The following SGO2 variants were observed in gnomAD, a reference collection of about 807,000 sequenced individuals.
SGO2 encodes the protein shugoshin-like 2.
SGO2 carries 68 observed loss-of-function variants against 99.5 expected under a neutral mutation model. The observed-to-expected ratio is 0.68, with a 90% confidence interval of 0.56 to 0.84. SGO2 has a LOEUF of 0.84. Among genes scored for constraint, SGO2 ranks in the 40% least tolerant of loss-of-function variants. SGO2 has a pLI of 0.00. For synonymous variants in SGO2, 457 were observed against 487.1 expected (o/e 0.94, Z 0.81); for missense variants, 1,350 against 1,436.7 (o/e 0.94, Z 0.97).
In SGO2 at chr2:200,573,836, G is replaced by A. The variant is rs529668035; in HGVS notation, c.3490G>A (p.Val1164Ile). The part of the protein sequence containing the change: ...SVREGLVPLS[V>I]SSGKNVIIKE... ...TCGTGAAGGTTTAGTACCTTTGAGC[G>A]TTTCTTCTGGTAAAAATGTGATAAT... The change falls in exon 7 of 9, where the codon GTT becomes ATT. Residue 1164 changes from valine to isoleucine, a missense_variant. Coordinates refer to ENST00000357799, the MANE Select transcript of SGO2 (RefSeq NM_152524.6). 76 of 1,613,022 alleles carry A rather than the reference G, an allele frequency of 4.7e-5. No individual in the cohort carries two copies. Among genetic ancestry groups the A allele is most frequent in the Middle Eastern group, 1.7e-4 (1 of 6,056 alleles).
In SGO2 at chr2:200,571,764, T is replaced by C. The variant is rs757016522; in HGVS notation, c.1418T>C (p.Met473Thr). The change falls in exon 7 of 9, where the codon ATG (methionine) becomes ACG (threonine). Residue 473 changes from methionine (M) to threonine (T), a missense_variant. Coordinates refer to ENST00000357799, the MANE Select transcript of SGO2 (RefSeq NM_152524.6). ...QLAQVNELKKMTLQTGFEQGD... is the reference protein window; with the variant it reads ...QLAQVNELKKTTLQTGFEQGD... ...GCTCAGGTGAATGAACTAAAGAAAATGACCCTTCAAACTGGCTTTGAACAA... is the reference window on the plus strand; with the variant it reads ...GCTCAGGTGAATGAACTAAAGAAAACGACCCTTCAAACTGGCTTTGAACAA... 2 of 1,613,494 alleles carry C rather than the reference T, an allele frequency of 1.2e-6. No homozygotes were observed. The highest frequency in any genetic ancestry group is 4.5e-5 in the East Asian group (2 of 44,858).
chr2:200,583,488 T>G lies in SGO2; in HGVS notation c.*24T>G. ...GAAGTGAATTTATGGATTCTGGTTTTTCTGAATTTTCAAAGCATAAGGAAT... is the reference window on the plus strand; with the variant it reads ...GAAGTGAATTTATGGATTCTGGTTTGTCTGAATTTTCAAAGCATAAGGAAT... On this transcript the variant is annotated 3_prime_UTR_variant, in exon 9 of 9. Coordinates refer to ENST00000357799, the MANE Select transcript of SGO2 (RefSeq NM_152524.6). The G allele has an allele frequency of 6.3e-7, 1 of 1,583,586 alleles. No individual in the cohort carries two copies. The highest frequency in any genetic ancestry group is 8.6e-7 in the Non-Finnish European group (1 of 1,166,438).
chr2:200,541,704 T>A (rs773003779), intron 4 of SGO2, among the ~76,000 whole-genome samples: 1 of 152,222 alleles, frequency 6.6e-6, no homozygotes, highest in African/African-American at 2.4e-5. Context: ...GGGGATGTGC[T>A]CTTTAACACT....
rs983099222 is a variant in SGO2 at position 200,526,790 on chromosome 2, CA to C, written c.-3+540del. On this transcript the variant is annotated intron_variant, in intron 1 of 8. Transcript: ENST00000357799. This position sits in a 1 kb window ranked among gnomAD's most constrained non-coding sequence, Gnocchi z 4.8. Reference sequence around the variant, plus strand: ...ACAATGATTTTTTAGATGAGGTATCCAATTCAGGAGAATTGGATGTGGAACT... The same window carrying C: ...ACAATGATTTTTTAGATGAGGTATCCATTCAGGAGAATTGGATGTGGAACT... 2.6e-5 allele frequency among the ~76,000 whole-genome samples: 4 copies of C among 151,970 alleles called. No individual in the cohort carries two copies. Among genetic ancestry groups the C allele is most frequent in the Admixed American group, 6.5e-5 (1 of 15,268 alleles).
intron 1 of SGO2, among the ~76,000 whole-genome samples, chr2:200,530,105 C>T (rs754572022): frequency 1.4e-5 from 2 of 147,614 alleles, no homozygotes; most frequent in Non-Finnish European, 3.0e-5. Context: ...GTGGAGAGAC[C>T]GTACTAAGGA....
intron 8 of SGO2, among the ~76,000 whole-genome samples, chr2:200,578,733 C>T (rs2106353036): frequency 6.6e-6 from 1 of 152,318 alleles, no homozygotes; most frequent in South Asian, 2.1e-4. Flanking sequence ...GGAAGTGAGA[C>T]ATCTCATCAC....
rs190931695 is a variant in SGO2, at chr2:200,541,531, G to T, written c.388-1048G>T. Among the ~76,000 whole-genome samples the T allele has an allele frequency of 6.6e-5, 10 of 152,270 alleles. No homozygotes were observed. The East Asian group carries it at 1.9e-3, about 29-fold the overall frequency. On this transcript the variant is annotated intron_variant, in intron 4 of 8. Coordinates refer to ENST00000357799, the MANE Select transcript of SGO2 (RefSeq NM_152524.6). ...GTGTCTTTTCTGTGTGGCTCTGCATGGCCTGCTGTACCTCTTGTCTCTAGG... is the reference window on the plus strand; with the variant it reads ...GTGTCTTTTCTGTGTGGCTCTGCATTGCCTGCTGTACCTCTTGTCTCTAGG...
chr2:200,570,954 T>C lies in SGO2; in HGVS notation c.704-96T>C, dbSNP rs887010716. The C allele has an allele frequency of 1.5e-5, 17 of 1,128,292 alleles. No individual in the cohort carries two copies. Among genetic ancestry groups the C allele is most frequent in the Non-Finnish European group, 2.0e-5 (16 of 807,190 alleles). The allele number at this position is 1,128,292 out of a possible 1,614,324, so 69.9% of individuals were successfully genotyped here. ...GATCAGAACACATTGTCAGAAATTA[T>C]ATCTGTGAAACAGCTTGATTTCGAA... is the stretch of plus-strand genomic sequence containing the variant. On this transcript the variant is annotated intron_variant, in intron 6 of 8. Coordinates refer to ENST00000357799, the MANE Select transcript of SGO2 (RefSeq NM_152524.6). The surrounding 1 kb of genome is among the most constrained non-coding windows in gnomAD (Gnocchi z 4.4).
At position 200,533,067 on chromosome 2, in the gene SGO2, T is replaced by G; in HGVS notation, c.92T>G (p.Leu31Trp). The G allele has an allele frequency of 6.3e-7, 1 of 1,594,112 alleles. No individual in the cohort carries two copies. Among genetic ancestry groups the G allele is most frequent in the Non-Finnish European group, 8.5e-7 (1 of 1,174,326 alleles). The change falls in exon 2 of 9, where the codon TTG (leucine) becomes TGG (tryptophan). Residue 31 changes from leucine (L) to tryptophan (W), a missense_variant. By Grantham distance (61) the Leu-to-Trp change is moderately conservative. Transcript: ENST00000357799. The part of the protein sequence containing the change: ...KDKRISKTTK[L>W]NVSLASKIKT... ...AAAAGAATTTCAAAGACTACTAAGT[T>G]GAATGTTTCTCTTGCTTCAAAAATA...
chr2:200,549,734 G>A (rs575225027), intron 5 of SGO2, among the ~76,000 whole-genome samples: 1 of 152,084 alleles, frequency 6.6e-6, no homozygotes, highest in South Asian at 2.1e-4. Context: ...ATCAAAATGG[G>A]TATAAAAAGA....
At chr2:200,560,563 C>T (rs2032899989) in intron 5 of SGO2, among the ~76,000 whole-genome samples, 1 of 151,732 alleles carries the variant, frequency 6.6e-6, no homozygotes, top group African/African-American at 2.4e-5. Flanking sequence ...TCTATTAATA[C>T]AGTGACTTCA....
chr2:200,581,212 A>G (rs372138172), intron 8 of SGO2, among the ~76,000 whole-genome samples: 7 of 152,094 alleles, frequency 4.6e-5, no homozygotes, highest in African/African-American at 1.7e-4. Context: ...AGTTTGATAT[A>G]TATCCATGAG....
intron 5 of SGO2, among the ~76,000 whole-genome samples, chr2:200,563,112 G>A (rs1190678649): frequency 6.6e-6 from 1 of 152,198 alleles, no homozygotes; most frequent in Non-Finnish European, 1.5e-5. Context: ...TAGGAGTGGT[G>A]AGAGAGGGCA....
At chr2:200,562,409 G>T (rs927029621) in intron 5 of SGO2, among the ~76,000 whole-genome samples, 1 of 152,128 alleles carries the variant, frequency 6.6e-6, no homozygotes, top group African/African-American at 2.4e-5. Context: ...CTGTTCCATT[G>T]GTCTATATCT....
intron 6 of SGO2, 90 bp downstream of exon 6, chr2:200,569,982 A>G: frequency 2.4e-6 from 2 of 817,806 alleles, no homozygotes; most frequent in Non-Finnish European, 4.0e-6. Context: ...ATAACAGTTA[A>G]TAAGTTAGCT....
rs2033378593 is a variant in SGO2 at position 200,570,719 on chromosome 2, A to G, written c.704-331A>G. Among the ~76,000 whole-genome samples, 5 of 151,602 alleles carry G rather than the reference A, an allele frequency of 3.3e-5. No homozygotes were observed. In the South Asian group the frequency reaches 1.0e-3, roughly 32 times the overall value. ...AGCAATCCTTTTCAGAGCTATCACT[A>G]TTATTTGGGTTCATTTGCTGGCCTC... On this transcript the variant is annotated intron_variant, in intron 6 of 8. Transcript: ENST00000357799. This position sits in a 1 kb window ranked among gnomAD's most constrained non-coding sequence, Gnocchi z 4.4.
In SGO2 at chr2:200,570,900, A is replaced by G. The variant is rs922280003; in HGVS notation, c.704-150A>G. ...ATCATTTCTAACTTATTTTCTTATA[A>G]GCATAGATTCTTAGTAATATTAGGA... On this transcript the variant is annotated intron_variant, in intron 6 of 8. Transcript: ENST00000357799. This position sits in a 1 kb window ranked among gnomAD's most constrained non-coding sequence, Gnocchi z 4.4. 2 of 601,180 alleles carry G rather than the reference A, an allele frequency of 3.3e-6. No homozygotes were observed. The highest frequency in any genetic ancestry group is 3.8e-5 in the African/African-American group (2 of 52,246). 37.2% of individuals were successfully genotyped at this position (601,180 alleles called of 1,614,324 possible).
intron 7 of SGO2, among the ~76,000 whole-genome samples, chr2:200,574,365 C>A (rs1559219962): frequency 6.6e-6 from 1 of 152,034 alleles, no homozygotes; most frequent in Non-Finnish European, 1.5e-5. Context: ...GAGTGAGACT[C>A]TTTCCCCATT....
Position 200,582,493 on chromosome 2 carries a change from TAAG to T in SGO2, c.3783-955_3783-953del, listed in dbSNP as rs377138014. Reference sequence around the variant, plus strand: ...CCAGGAAATAACTTGGGTGCTGAATTAAGGAGGAAAAAAATCTTTCCTTAGAAT... The same window carrying T: ...CCAGGAAATAACTTGGGTGCTGAATTGAGGAAAAAAATCTTTCCTTAGAAT... On this transcript the variant is annotated intron_variant, in intron 8 of 8. Coordinates refer to ENST00000357799, the MANE Select transcript of SGO2 (RefSeq NM_152524.6). 9.9e-3 allele frequency among the ~76,000 whole-genome samples: 1,504 copies of T among 152,184 alleles called. 10 individuals carry two copies. Among genetic ancestry groups the T allele is most frequent in the Middle Eastern group, 0.021 (6 of 292 alleles).
Sources: gnomAD v4.1 joint callset for allele counts (sites outside exome capture counted in the v4.1 genomes callset) on GRCh38, gnomAD v4.1.1 for gene constraint, Gnocchi (gnomAD v3.1) non-coding constraint, MANE v1.5 for transcripts, NCBI Gene and HGNC (gene_info 2026-07-23, HGNC 2026-07-21) for gene names.